The following CSTPP1 variants were observed in gnomAD, a reference collection of about 807,000 sequenced individuals.
The protein encoded by CSTPP1 is UPF0705 protein C11orf49.
chr11:47,147,147 G>A, the CSTPP1 span, among the ~76,000 whole-genome samples: 2 of 152,208 alleles, frequency 1.3e-5, no homozygotes, highest in Non-Finnish European at 2.9e-5. Context: ...AGCAAAGATA[G>A]TAAGACGTTA....
chr11:46,990,609 C>G, the CSTPP1 span, among the ~76,000 whole-genome samples: 1 of 151,996 alleles, frequency 6.6e-6, no homozygotes, highest in African/African-American at 2.4e-5. Context: ...GTTTCTTTTG[C>G]TGTGCAGAAG....
At chr11:46,965,194 A>G in the CSTPP1 span, among the ~76,000 whole-genome samples, 1 of 150,052 alleles carries the variant, frequency 6.7e-6, no homozygotes, top group African/African-American at 2.5e-5. Flanking sequence ...AACAATAATC[A>G]GCCTATAGCA....
chr11:47,091,802 T>A, the CSTPP1 span, among the ~76,000 whole-genome samples: 2 of 152,138 alleles, frequency 1.3e-5, no homozygotes, highest in Admixed American at 1.3e-4. Flanking sequence ...TGACATGACA[T>A]GGGGCCACAA....
At chr11:47,158,124 C>G in the CSTPP1 span, 1 of 578,780 alleles carries the variant, frequency 1.7e-6, no homozygotes, top group Non-Finnish European at 3.1e-6. Context: ...GGACAGCCCT[C>G]CCTGCCTGCA....
chr11:47,066,552 CA>C, the CSTPP1 span, among the ~76,000 whole-genome samples: 1 of 152,030 alleles, frequency 6.6e-6, no homozygotes, highest in African/African-American at 2.4e-5. Context: ...CTAGAATAAG[CA>C]GGTTGGAAAA....
At chr11:47,059,599 C>T in the CSTPP1 span, among the ~76,000 whole-genome samples, 1 of 152,158 alleles carries the variant, frequency 6.6e-6, no homozygotes, top group Non-Finnish European at 1.5e-5. Context: ...AGTATGATAA[C>T]ATGAAACAAC....
At chr11:46,945,815 A>G in the CSTPP1 span, among the ~76,000 whole-genome samples, 1 of 152,130 alleles carries the variant, frequency 6.6e-6, no homozygotes, top group Non-Finnish European at 1.5e-5. Flanking sequence ...GATGGGACAT[A>G]TTCATAAATG....
chr11:47,012,554 C>T, the CSTPP1 span, among the ~76,000 whole-genome samples: 1 of 151,800 alleles, frequency 6.6e-6, no homozygotes, highest in Non-Finnish European at 1.5e-5. Flanking sequence ...TTGTAGATAG[C>T]TGTATAGGGG....
the CSTPP1 span, among the ~76,000 whole-genome samples, chr11:47,115,760 A>C: frequency 6.6e-6 from 1 of 151,680 alleles, no homozygotes; most frequent in Non-Finnish European, 1.5e-5. Context: ...TAAAAAAAAA[A>C]AAACCAGCTC....
chr11:47,157,006 C>T, the CSTPP1 span: 1 of 1,613,752 alleles, frequency 6.2e-7, no homozygotes, highest in African/African-American at 1.3e-5. Context: ...CCCACACCCC[C>T]ACCCCCACGG....
At chr11:47,133,217 G>A in the CSTPP1 span, among the ~76,000 whole-genome samples, 318 of 152,334 alleles carry the variant, frequency 2.1e-3, no homozygotes, top group Non-Finnish European at 3.5e-3. Context: ...AACACCTCTG[G>A]TCTGGAGCCA....
At chr11:47,154,941 G>A in the CSTPP1 span, 1 of 585,484 alleles carries the variant, frequency 1.7e-6, no homozygotes, top group Non-Finnish European at 3.1e-6. Flanking sequence ...GTACAGTGTG[G>A]TCAGTTCAGT....
the CSTPP1 span, among the ~76,000 whole-genome samples, chr11:47,046,502 A>G: frequency 1.3e-5 from 2 of 152,080 alleles, no homozygotes; most frequent in African/African-American, 2.4e-5. Context: ...ACTGAAAACT[A>G]TAAAACATTG....
the CSTPP1 span, among the ~76,000 whole-genome samples, chr11:47,027,347 G>A: frequency 1.3e-5 from 2 of 152,062 alleles, no homozygotes; most frequent in African/African-American, 2.4e-5. Flanking sequence ...ACCCTGACAG[G>A]GTTTTACCTG....
At chr11:47,155,271 C>T in the CSTPP1 span, 1 of 1,609,862 alleles carries the variant, frequency 6.2e-7, no homozygotes, top group Non-Finnish European at 8.5e-7. Context: ...GGTGAGTGTT[C>T]CGGGGCTCCA....
the CSTPP1 span, among the ~76,000 whole-genome samples, chr11:47,120,755 C>T: frequency 6.6e-6 from 1 of 152,172 alleles, no homozygotes; most frequent in Non-Finnish European, 1.5e-5. The surrounding 1 kb of genome is among the most constrained non-coding windows in gnomAD (Gnocchi z 4.2). Context: ...ACAGTACTTA[C>T]CCTATAGGAC....
the CSTPP1 span, among the ~76,000 whole-genome samples, chr11:46,943,063 T>A: frequency 4.1e-4 from 63 of 152,344 alleles, no homozygotes; most frequent in Middle Eastern, 6.8e-3. Flanking sequence ...TATCATTGTC[T>A]ACCTTCTATC....
the CSTPP1 span, among the ~76,000 whole-genome samples, chr11:47,158,948 T>C: frequency 6.6e-6 from 1 of 152,188 alleles, no homozygotes; most frequent in Admixed American, 6.5e-5. Context: ...GTTGAGGGAA[T>C]GGGATTAAGG....
chr11:46,997,014 A>T, the CSTPP1 span, among the ~76,000 whole-genome samples: 1 of 152,086 alleles, frequency 6.6e-6, no homozygotes, highest in African/African-American at 2.4e-5. Context: ...AGCTTTGATG[A>T]ATCTGACAAT....
Sources: allele counts gnomAD v4.1 joint callset (sites outside exome capture counted in the v4.1 genomes callset), GRCh38; gene constraint gnomAD v4.1.1; non-coding constraint Gnocchi (gnomAD v3.1); transcripts MANE v1.5; gene names NCBI Gene and HGNC (gene_info 2026-07-23, HGNC 2026-07-21).